TERF1: variants seen among roughly 807,000 people sequenced by gnomAD.
TERF1 encodes telomeric repeat binding factor 1, also known as telomeric repeat-binding factor 1.
In TERF1, 20 loss-of-function variants were observed where a neutral mutation model predicts 55.1. The ratio of observed to expected loss-of-function variants is 0.36; its 90% confidence interval spans 0.26 to 0.53. TERF1 has a LOEUF of 0.53. Ranked by LOEUF, TERF1 falls within the 20% of genes least tolerant of loss-of-function variation. The pLI, the probability that TERF1 is intolerant of heterozygous loss-of-function variation, is 0.91. For synonymous variants in TERF1, 168 were observed against 181.2 expected (o/e 0.93, Z 0.59); for missense variants, 439 against 535.7 (o/e 0.82, Z 1.78).
chr8:73,009,309 C>A (rs1808175659), intron 1 of TERF1, 104 bp downstream of exon 1: 3 of 90,218 alleles, frequency 3.3e-5, no homozygotes, highest in Middle Eastern at 2.5e-3. Context: ...GGAGGGGCTG[C>A]TGCGGCCGAT....
intron 9 of TERF1, among the ~76,000 whole-genome samples, chr8:73,041,542 A>G (rs1199117652): frequency 1.3e-5 from 2 of 152,168 alleles, no homozygotes; most frequent in Admixed American, 6.5e-5. Context: ...CATGAAGGCT[A>G]GAGAGGGGTG....
chr8:73,020,564 C>G, intron 2 of TERF1, 120 bp from the exon 3 acceptor site: 1 of 698,952 alleles, frequency 1.4e-6, no homozygotes, highest in Non-Finnish European at 2.1e-6. Flanking sequence ...CTGGTATAAA[C>G]AAGAAGAGTA....
At chr8:73,041,197 G>A (rs1247971313) in intron 9 of TERF1, among the ~76,000 whole-genome samples, 2 of 152,144 alleles carry the variant, frequency 1.3e-5, no homozygotes, top group African/African-American at 4.8e-5. Flanking sequence ...TCAGGTAAAA[G>A]GAAATGAGAT....
rs1012909355 is a variant in TERF1 at position 73,047,635 on chromosome 8, ATGG to A, written c.*1504_*1506del. The A allele has an allele frequency of 6.6e-6, 1 of 152,216 alleles. No individual in the cohort carries two copies. Among genetic ancestry groups the A allele is most frequent in the Non-Finnish European group, 1.5e-5 (1 of 68,038 alleles). 9.4% of individuals were successfully genotyped at this position (152,216 alleles called of 1,614,324 possible). A position where few individuals can be genotyped will look rare whatever the true frequency, so the allele number is the denominator to read the frequency against. ...TTGAAGTATTTGCATAAAAAATCAA[ATGG>A]TGGTGTTTTGTAATCTCTATTGTAT... On this transcript the variant is annotated 3_prime_UTR_variant, in exon 10 of 10. Coordinates refer to ENST00000276603, the MANE Select transcript of TERF1 (RefSeq NM_017489.3).
chr8:73,025,600 C>T (rs575607258), intron 5 of TERF1, among the ~76,000 whole-genome samples: 3 of 151,588 alleles, frequency 2.0e-5, no homozygotes, highest in Non-Finnish European at 4.4e-5. Flanking sequence ...TAAGAAAATA[C>T]AAAAAAATTA....
chr8:73,032,015 A>G (rs762809660), intron 7 of TERF1, 27 bp from the exon 8 acceptor site: 16 of 1,539,390 alleles, frequency 1.0e-5, no homozygotes, highest in Non-Finnish European at 1.2e-5. Flanking sequence ...TCTGGAGCCA[A>G]TTACAAACTT....
At chr8:73,027,117 A>T (rs1173881226) in intron 6 of TERF1, 65 bp downstream of exon 6, 2 of 1,135,060 alleles carry the variant, frequency 1.8e-6, no homozygotes, top group Non-Finnish European at 1.3e-6. Context: ...TGTAAAATTG[A>T]TATGTCTTTT....
chr8:73,012,876 A>T (rs1268223447), intron 1 of TERF1: 1 of 455,406 alleles, frequency 2.2e-6, no homozygotes, highest in Non-Finnish European at 4.4e-6. Flanking sequence ...TCATGGGGGC[A>T]GAGACTGGCT....
chr8:73,039,096 CAT>C lies in TERF1; in HGVS notation c.1040-19_1040-18del, dbSNP rs1472484713. 7.0e-7 allele frequency: 1 copy of C among 1,424,832 alleles called. No homozygotes were observed. The highest frequency in any genetic ancestry group is 1.3e-5 in the South Asian group (1 of 76,688). 88.3% of individuals were successfully genotyped at this position (1,424,832 alleles called of 1,614,324 possible). A position where few individuals can be genotyped will look rare whatever the true frequency, so the allele number is the denominator to read the frequency against. On this transcript the variant is annotated intron_variant, in intron 8 of 9. Coordinates refer to ENST00000276603, the MANE Select transcript of TERF1 (RefSeq NM_017489.3). Reference sequence around the variant, plus strand: ...CTTTAATGTAAATCAATATTTATGACATTATTTTTCTACTTTTAGGTACAAAA... The same window carrying C: ...CTTTAATGTAAATCAATATTTATGACTATTTTTCTACTTTTAGGTACAAAA...
At position 73,048,037 on chromosome 8, in the gene TERF1, C is replaced by A; in HGVS notation, c.*1900C>A. On this transcript the variant is annotated 3_prime_UTR_variant, in exon 10 of 10. Coordinates refer to ENST00000276603, the MANE Select transcript of TERF1 (RefSeq NM_017489.3). ...AAGAGCTATTTTAGATGTATTTAAA[C>A]ATAAGATTTTTATCACATAACTTGT... 6.6e-6 allele frequency: 1 copy of A among 152,220 alleles called. No individual in the cohort carries two copies. Among genetic ancestry groups the A allele is most frequent in the South Asian group, 2.1e-4 (1 of 4,828 alleles). The allele number at this position is 152,220 out of a possible 1,614,324, so 9.4% of individuals were successfully genotyped here. A position where few individuals can be genotyped will look rare whatever the true frequency, so the allele number is the denominator to read the frequency against.
intron 9 of TERF1, among the ~76,000 whole-genome samples, chr8:73,043,509 TATATTTC>T (rs778633022): frequency 5.3e-5 from 8 of 152,192 alleles, no homozygotes; most frequent in Non-Finnish European, 7.3e-5. Flanking sequence ...GTATTTTATG[TATATTTC>T]ACATACATAG....
chr8:73,041,442 C>T (rs1809827838), intron 9 of TERF1, among the ~76,000 whole-genome samples: 1 of 152,116 alleles, frequency 6.6e-6, no homozygotes, highest in Admixed American at 6.6e-5. Flanking sequence ...GTTCTGGAGT[C>T]CTGTGCATAG....
At chr8:73,011,479 G>A (rs910467370) in intron 1 of TERF1, 3 of 152,320 alleles carry the variant, frequency 2.0e-5, no homozygotes, top group African/African-American at 7.2e-5. Context: ...ACTTGAGCCT[G>A]GGAGGTGGAG....
chr8:73,016,286 A>G (rs983010433), intron 2 of TERF1, among the ~76,000 whole-genome samples: 4 of 143,966 alleles, frequency 2.8e-5, no homozygotes, highest in African/African-American at 1.0e-4. Context: ...GCTAGTAGCT[A>G]CCATATTGGG....
chr8:73,040,544 G>C (rs977468387), intron 9 of TERF1, among the ~76,000 whole-genome samples: 6 of 151,976 alleles, frequency 3.9e-5, no homozygotes, highest in Admixed American at 2.0e-4. Context: ...GTTTTGTGCT[G>C]GATTTTTTTT....
chr8:73,038,114 G>A (rs1369169630), intron 8 of TERF1, among the ~76,000 whole-genome samples: 1 of 150,788 alleles, frequency 6.6e-6, no homozygotes, highest in Non-Finnish European at 1.5e-5. Flanking sequence ...ACATAGTAAA[G>A]CTTTATAATT....
At chr8:73,039,488 T>C (rs1414283574) in intron 9 of TERF1, among the ~76,000 whole-genome samples, 1 of 152,230 alleles carries the variant, frequency 6.6e-6, no homozygotes, top group African/African-American at 2.4e-5. Flanking sequence ...GTTTATTAGA[T>C]GTAAGGTGGG....
At position 73,009,067 on chromosome 8, in the gene TERF1, G is replaced by A; in HGVS notation, c.181G>A (p.Glu61Lys). Residue 61 changes from glutamate (E) to lysine (K), a missense_variant, in exon 1 of 10, where the codon GAG (glutamate) becomes AAG (lysine). Transcript: ENST00000276603. Reference sequence around the variant, plus strand: ...GGCCCCCGAGGAGGAGGAGGAGGAGGAGGAGGACGCGGGCCTGGTGGCCGA... The same window carrying A: ...GGCCCCCGAGGAGGAGGAGGAGGAGAAGGAGGACGCGGGCCTGGTGGCCGA... ...VGAPEEEEEE[E>K]EDAGLVAEAE... The A allele has an allele frequency of 1.2e-6, 2 of 1,609,688 alleles. No individual in the cohort carries two copies. The highest frequency in any genetic ancestry group is 1.3e-5 in the African/African-American group (1 of 75,016).
rs775756503 is a variant in TERF1 at position 73,009,080 on chromosome 8, G to C, written c.194G>C (p.Gly65Ala). The stretch of plus-strand genomic sequence containing the variant: ...GAGGAGGAGGAGGAGGAGGACGCGG[G>C]CCTGGTGGCCGAGGCCGAGGCCGTG... ...EEEEEEEEDA[G>A]LVAEAEAVAA... Residue 65 changes from glycine to alanine, a missense_variant, in exon 1 of 10, where the codon GGC becomes GCC. By Grantham distance (60) the Gly-to-Ala change is moderately conservative (BLOSUM62 0). Around this residue, in one of 4 missense-constraint regions of TERF1, gnomAD observed 179 missense variants for 152.6 expected, o/e 1.17. Transcript: ENST00000276603. 11 of 1,608,848 alleles carry C rather than the reference G, an allele frequency of 6.8e-6. No individual in the cohort carries two copies. The highest frequency in any genetic ancestry group is 2.7e-5 in the African/African-American group (2 of 74,906).
Sources: gnomAD v4.1 joint callset for allele counts (sites outside exome capture counted in the v4.1 genomes callset) on GRCh38, gnomAD v4.1.1 for gene constraint, gnomAD v4.1.1 regional missense constraint, MANE v1.5 for transcripts, NCBI Gene and HGNC (gene_info 2026-07-23, HGNC 2026-07-21) for gene names.